Variants in ZNF93 observed in about 807,000 individuals in gnomAD.
ZNF93 encodes zinc finger protein 505.
Under a neutral mutation model 45.0 loss-of-function variants are expected in ZNF93, and 29 were observed. The ratio of observed to expected loss-of-function variants is 0.64; its 90% CI spans 0.48 to 0.88. The LOEUF (loss-of-function observed/expected upper bound fraction) is 0.88. Ranked by LOEUF, ZNF93 falls within the 40% of genes least tolerant of loss-of-function variation. The probability of loss-of-function intolerance (pLI) is 0.00; values close to 1 mark genes in which losing one functional copy is unlikely to be tolerated. For synonymous variants in ZNF93, 223 were observed against 244.6 expected (o/e 0.91, Z 0.82); for missense variants, 578 against 724.0 (o/e 0.80, Z 2.31).
chr19:19,918,711 A>G (rs1199036122), intron 3 of ZNF93, among the ~76,000 whole-genome samples: 2 of 152,178 alleles, frequency 1.3e-5, no homozygotes, highest in Non-Finnish European at 2.9e-5. Context: ...AGTGATGATG[A>G]GCATTTTTTC....
intron 3 of ZNF93, among the ~76,000 whole-genome samples, chr19:19,930,415 G>A (rs1297647278): frequency 6.6e-6 from 1 of 152,166 alleles, no homozygotes; most frequent in Non-Finnish European, 1.5e-5. Flanking sequence ...CCTGACTGAT[G>A]TCAGGCCCTC....
intron 1 of ZNF93, chr19:19,908,694 T>G (rs2063299385): frequency 1.3e-5 from 2 of 151,756 alleles, no homozygotes; most frequent in African/African-American, 4.8e-5. Flanking sequence ...AATACAAAAA[T>G]TAGCCAGGCA....
In ZNF93 at chr19:19,934,316, A is replaced by T; in HGVS notation, c.1361A>T (p.Lys454Met). 6.2e-7 allele frequency: 1 copy of T among 1,613,302 alleles called. No individual in the cohort carries two copies. Among genetic ancestry groups the T allele is most frequent in the South Asian group, 1.1e-5 (1 of 91,064 alleles). ...EIIHTGKKPY[K>M]CEECGKAFNQ... ...ATTCATACTGGAAAGAAACCCTACA[A>T]GTGTGAAGAATGTGGCAAAGCTTTT... The change falls in exon 4 of 4, where the codon AAG (lysine) becomes ATG (methionine). Residue 454 changes from lysine to methionine, a missense_variant. Around this residue, in one of 3 missense-constraint regions of ZNF93, gnomAD observed 446 missense variants for 547.6 expected, o/e 0.81. Coordinates refer to ENST00000343769, the MANE Select transcript of ZNF93 (RefSeq NM_031218.4).
At chr19:19,907,422 G>A (rs949600413) in intron 1 of ZNF93, among the ~76,000 whole-genome samples, 1 of 152,170 alleles carries the variant, frequency 6.6e-6, no homozygotes, top group Non-Finnish European at 1.5e-5. Flanking sequence ...AGTTCAGTGT[G>A]TAAACTGAAC....
chr19:19,929,710 G>A (rs547514711), intron 3 of ZNF93, among the ~76,000 whole-genome samples: 5 of 151,650 alleles, frequency 3.3e-5, no homozygotes, highest in African/African-American at 4.8e-5. Flanking sequence ...AGGCCGAGGC[G>A]GGCGGATCAC....
intron 3 of ZNF93, among the ~76,000 whole-genome samples, chr19:19,929,846 G>A (rs1051062326): frequency 1.9e-4 from 28 of 148,598 alleles, no homozygotes; most frequent in Non-Finnish European, 3.4e-4. Context: ...GCTGAGGCAG[G>A]AGAATGGCGT....
At chr19:19,910,220 G>T (rs2063303803) in intron 1 of ZNF93, among the ~76,000 whole-genome samples, 1 of 146,292 alleles carries the variant, frequency 6.8e-6, no homozygotes, top group Non-Finnish European at 1.5e-5. Flanking sequence ...TTGAGATTTG[G>T]GGGAAAAAAA....
chr19:19,922,470 T>G (rs1301339876), intron 3 of ZNF93, among the ~76,000 whole-genome samples: 3 of 152,230 alleles, frequency 2.0e-5, no homozygotes, highest in Non-Finnish European at 1.5e-5. Flanking sequence ...ATTTCCTGAA[T>G]TTGAATGTTG....
At chr19:19,918,215 C>T (rs1449283139) in intron 3 of ZNF93, among the ~76,000 whole-genome samples, 1 of 151,830 alleles carries the variant, frequency 6.6e-6, no homozygotes, top group African/African-American at 2.4e-5. Context: ...GTTTTTTGTC[C>T]TTGCGATAGT....
At chr19:19,925,656 T>C (rs2063353813) in intron 3 of ZNF93, among the ~76,000 whole-genome samples, 1 of 152,192 alleles carries the variant, frequency 6.6e-6, no homozygotes, top group Non-Finnish European at 1.5e-5. Context: ...TTTACGAAAA[T>C]AGTTACTTGT....
chr19:19,934,565 A>T lies in ZNF93; in HGVS notation c.1610A>T (p.Tyr537Phe). Residue 537 changes from tyrosine (Y) to phenylalanine (F), a missense_variant, in exon 4 of 4, where the codon TAC becomes TTC. Tyr to Phe is a conservative substitution (Grantham distance 22, BLOSUM62 3). This residue lies in a region of ZNF93 where 119 missense variants were observed against 123.1 expected (regional missense o/e 0.97). Transcript: ENST00000343769. Reference sequence around the variant, plus strand: ...AAAATTCATACTAGAGAGAAACCCTACAAATGTGAAGAATGTGGCAAAGCT... The same window carrying T: ...AAAATTCATACTAGAGAGAAACCCTTCAAATGTGAAGAATGTGGCAAAGCT... ...HKKIHTREKP[Y>F]KCEECGKAFH... 1 of 1,613,716 alleles carries T rather than the reference A, an allele frequency of 6.2e-7. No homozygotes were observed. Among genetic ancestry groups the T allele is most frequent in the Non-Finnish European group, 8.5e-7 (1 of 1,180,026 alleles).
intron 1 of ZNF93, chr19:19,909,251 A>C (rs2063301269): frequency 6.6e-6 from 1 of 152,280 alleles, no homozygotes; most frequent in Admixed American, 6.5e-5. Flanking sequence ...AGCGGTAAAG[A>C]GAGGACACTA....
At chr19:19,920,417 G>A (rs1256421229) in intron 3 of ZNF93, among the ~76,000 whole-genome samples, 2 of 152,018 alleles carry the variant, frequency 1.3e-5, no homozygotes, top group African/African-American at 4.8e-5. Flanking sequence ...CTCTTTTTTT[G>A]TTGTGTCTCT....
intron 3 of ZNF93, among the ~76,000 whole-genome samples, chr19:19,923,177 G>A (rs905795653): frequency 4.6e-5 from 7 of 152,192 alleles, no homozygotes; most frequent in Non-Finnish European, 8.8e-5. Flanking sequence ...CTGCAGGTCC[G>A]TTGGAGTTTG....
chr19:19,923,572 G>C (rs552827994), intron 3 of ZNF93, among the ~76,000 whole-genome samples: 1 of 152,164 alleles, frequency 6.6e-6, no homozygotes, highest in African/African-American at 2.4e-5. Context: ...CACGCAGTTC[G>C]AGCTTCCTGG....
At chr19:19,932,124 T>G (rs1217827065) in intron 3 of ZNF93, 1 of 216,934 alleles carries the variant, frequency 4.6e-6, no homozygotes, top group Admixed American at 5.8e-5. Context: ...ATACAAAAAA[T>G]TAGCCAGGCA....
chr19:19,901,178 CCT>C, intron 1 of ZNF93, 87 bp downstream of exon 1: 1 of 1,589,082 alleles, frequency 6.3e-7, no homozygotes, highest in Non-Finnish European at 8.6e-7. Flanking sequence ...TCAGGTATCC[CCT>C]TAGTCAGCTC....
chr19:19,934,980 T>C lies in ZNF93; in HGVS notation c.*162T>C, dbSNP rs2063388769. On this transcript the variant is annotated 3_prime_UTR_variant, in exon 4 of 4. Coordinates refer to ENST00000343769, the MANE Select transcript of ZNF93 (RefSeq NM_031218.4). Reference sequence around the variant, plus strand: ...GGAGGAAGTGGCCCATTTACAGCCATGTAGGCAGGCCTGCAGACCTTGGCC... The same window carrying C: ...GGAGGAAGTGGCCCATTTACAGCCACGTAGGCAGGCCTGCAGACCTTGGCC... The C allele has an allele frequency of 2.7e-6, 2 of 751,718 alleles. No homozygotes were observed. Among genetic ancestry groups the C allele is most frequent in the Non-Finnish European group, 2.1e-6 (1 of 481,382 alleles). The allele number at this position is 751,718 out of a possible 1,614,324, so 46.6% of individuals were successfully genotyped here.
At position 19,901,029 on chromosome 19, in the gene ZNF93, G is replaced by GT. The variant is rs2063268650; in HGVS notation, c.-59dup. On this transcript the variant is annotated 5_prime_UTR_variant, in exon 1 of 4. Coordinates refer to ENST00000343769, the MANE Select transcript of ZNF93 (RefSeq NM_031218.4). The stretch of plus-strand genomic sequence containing the variant: ...CTACAGGCCCAGCCTCTGTGGCCCT[G>GT]TGACCTGCAGGTATTGGGAGATCCA... 6.2e-7 allele frequency: 1 copy of GT among 1,609,166 alleles called. No individual in the cohort carries two copies. The highest frequency in any genetic ancestry group is 2.2e-5 in the East Asian group (1 of 44,810).
Sources: gnomAD v4.1 joint callset for allele counts (sites outside exome capture counted in the v4.1 genomes callset) on GRCh38, gnomAD v4.1.1 for gene constraint, gnomAD v4.1.1 regional missense constraint, MANE v1.5 for transcripts, NCBI Gene and HGNC (gene_info 2026-07-23, HGNC 2026-07-21) for gene names.